Variants in NLRP5 observed in about 807,000 individuals in gnomAD.
The protein encoded by NLRP5 is NACHT, LRR and PYD domains-containing protein 5.
In NLRP5, 93 loss-of-function variants were observed where a neutral mutation model predicts 113.1. That is an observed-to-expected ratio of 0.82 (90% confidence interval 0.70 to 0.98). The LOEUF is 0.98. Ranked by LOEUF, NLRP5 falls within the 50% of genes least tolerant of loss-of-function variation. NLRP5 has a pLI of 0.00. For synonymous variants in NLRP5, 751 were observed against 600.7 expected, an observed-to-expected ratio of 1.25 and a Z score of -3.66; for missense variants, 1,808 against 1,514.3, an observed-to-expected ratio of 1.19 and a Z score of -3.22.
intron 9 of NLRP5, among the ~76,000 whole-genome samples, chr19:56,036,989 T>C (rs1315154962): frequency 6.6e-6 from 1 of 152,118 alleles, no homozygotes; most frequent in Non-Finnish European, 1.5e-5. Flanking sequence ...CCTGCTTCCT[T>C]CATCTCTGCC....
rs979044537 is a variant in NLRP5, at chr19:56,050,584, C to T, written c.3124C>T (p.Leu1042=). Residue 1042 remains leucine (L), a synonymous_variant, in exon 12 of 15, where the codon CTG becomes TTG. Transcript: ENST00000390649. ...AGAACCATCTTGTCATCTCCAGGAC[C>T]TGGAGTGAGTTTCCCATGGGCGTTG... 6 of 1,613,192 alleles carry T rather than the reference C, an allele frequency of 3.7e-6. No individual in the cohort carries two copies. The African/African-American group carries it at 6.7e-5, about 18-fold the overall frequency.
At chr19:56,057,485 T>C (rs1984199619) in intron 13 of NLRP5, among the ~76,000 whole-genome samples, 1 of 152,226 alleles carries the variant, frequency 6.6e-6, no homozygotes, top group Admixed American at 6.5e-5. Flanking sequence ...ATGTGTCTCC[T>C]TTCCGCAAGC....
rs188478334 is a variant in NLRP5, at chr19:56,044,573, A to C, written c.2957+3481A>C. ...GTTCTCTATTCTGTTTCGTTGGTCT[A>C]TGTGCCTATTTTTGCACGAGTACCA... On this transcript the variant is annotated intron_variant, in intron 11 of 14. Transcript: ENST00000390649. Among the ~76,000 whole-genome samples the C allele has an allele frequency of 2.6e-5, 4 of 152,292 alleles. No homozygotes were observed. The East Asian group carries it at 5.8e-4, about 22-fold the overall frequency.
chr19:56,009,359 AG>A (rs1175523716), intron 3 of NLRP5, among the ~76,000 whole-genome samples: 3 of 149,102 alleles, frequency 2.0e-5, no homozygotes, highest in Non-Finnish European at 4.5e-5. Flanking sequence ...AAAAAAAAAA[AG>A]AGTTCTGTGG....
intron 13 of NLRP5, among the ~76,000 whole-genome samples, chr19:56,055,749 G>T (rs1396957996): frequency 1.3e-5 from 2 of 151,164 alleles, no homozygotes; most frequent in East Asian, 3.9e-4. Context: ...GTTTCACCGT[G>T]TTAGCCAGGA....
upstream of NLRP5, among the ~76,000 whole-genome samples, chr19:55,998,682 A>G (rs74182586): frequency 0.059 from 4,860 of 82,778 alleles, 422 homozygotes; most frequent in African/African-American, 0.15. Context: ...GTATATATAT[A>G]TATATATATA....
chr19:56,025,101 G>C (rs917248740), intron 6 of NLRP5, among the ~76,000 whole-genome samples: 1 of 152,098 alleles, frequency 6.6e-6, no homozygotes, highest in Non-Finnish European at 1.5e-5. Flanking sequence ...ATCACCCCCA[G>C]ATGGGACCAT....
chr19:56,005,224 CAT>C (rs1028253221), intron 2 of NLRP5, among the ~76,000 whole-genome samples: 18 of 144,382 alleles, frequency 1.2e-4, no homozygotes, highest in East Asian at 5.9e-4. Context: ...CACATATACA[CAT>C]ATATTTTTAT....
chr19:56,056,999 G>C (rs541876948), intron 13 of NLRP5, among the ~76,000 whole-genome samples: 1 of 152,068 alleles, frequency 6.6e-6, no homozygotes. Context: ...AATTAGGCAT[G>C]GTGGCAGGCG....
chr19:55,988,048 A>G, the NLRP5 span: 1 of 670,868 alleles, frequency 1.5e-6, no homozygotes, highest in Non-Finnish European at 2.7e-6. Flanking sequence ...ACACCACAGA[A>G]CCTCAGCTTT....
Position 56,027,165 on chromosome 19 carries a change from G to C in NLRP5, c.932G>C (p.Gly311Ala), listed in dbSNP as rs777075268. Residue 311 changes from glycine (G) to alanine (A), a missense_variant, in exon 7 of 15, where the codon GGA becomes GCA. Transcript: ENST00000390649. ...TGGGCGCAAGGTGGACTCTACCAGG[G>C]AATGTTCTCCTACGTCTTCTTCCTC... 1 of 1,605,508 alleles carries C rather than the reference G, an allele frequency of 6.2e-7. No homozygotes were observed. Among genetic ancestry groups the C allele is most frequent in the East Asian group, 2.2e-5 (1 of 44,540 alleles).
chr19:56,032,157 C>G (rs1440253844), intron 7 of NLRP5, among the ~76,000 whole-genome samples: 2 of 152,050 alleles, frequency 1.3e-5, no homozygotes, highest in African/African-American at 4.8e-5. Context: ...CCATCCTGGC[C>G]AACATGGTGA....
In NLRP5 at chr19:56,061,572, C is replaced by T; in HGVS notation, c.*44C>T. ...CACTCACACCCATCTGATGGAGGAA[C>T]TTTAAACGCTGTTTTCTCAGAGCAA... On this transcript the variant is annotated 3_prime_UTR_variant, in exon 15 of 15. Coordinates refer to ENST00000390649, the MANE Select transcript of NLRP5 (RefSeq NM_153447.4). The T allele has an allele frequency of 6.2e-7, 1 of 1,608,842 alleles. No individual in the cohort carries two copies. Among genetic ancestry groups the T allele is most frequent in the Non-Finnish European group, 8.5e-7 (1 of 1,176,446 alleles).
intron 10 of NLRP5, 83 bp from the exon 11 acceptor site, chr19:56,040,839 C>CT: frequency 8.2e-7 from 1 of 1,212,328 alleles, no homozygotes; most frequent in East Asian, 2.4e-5. Flanking sequence ...GGTGATACGT[C>CT]TTTCCCCTCC....
At chr19:56,024,375 GTGTATATATAACATATATACA>G in intron 6 of NLRP5, among the ~76,000 whole-genome samples, 1 of 130,410 alleles carries the variant, frequency 7.7e-6, no homozygotes, top group East Asian at 2.1e-4. Flanking sequence ...ATATATATAT[GTGTATATATAACATATATACA>G]TATATGTACA....
chr19:56,050,284 A>AT, intron 11 of NLRP5, 134 bp from the exon 12 acceptor site: 1 of 770,270 alleles, frequency 1.3e-6, no homozygotes, highest in Non-Finnish European at 2.0e-6. Context: ...CTCAAAAAAA[A>AT]AAAAGAAAAA....
intron 8 of NLRP5, 143 bp downstream of exon 8, chr19:56,032,924 C>G: frequency 1.2e-6 from 1 of 805,464 alleles, no homozygotes; most frequent in Non-Finnish European, 1.9e-6. Context: ...ACCAAGTTCC[C>G]AAAAGCACAG....
chr19:56,058,743 T>C (rs1446628095), intron 14 of NLRP5, among the ~76,000 whole-genome samples: 1 of 152,158 alleles, frequency 6.6e-6, no homozygotes, highest in African/African-American at 2.4e-5. Context: ...CCCAAAAGAA[T>C]TAAAAGGAAG....
chr19:56,037,322 A>G (rs1451068560), intron 9 of NLRP5, among the ~76,000 whole-genome samples: 1 of 152,136 alleles, frequency 6.6e-6, no homozygotes, highest in African/African-American at 2.4e-5. Context: ...AGAACAAAGC[A>G]ACCAGGCCTC....
Sources: gnomAD v4.1 joint callset for allele counts (sites outside exome capture counted in the v4.1 genomes callset) on GRCh38, gnomAD v4.1.1 for gene constraint, MANE v1.5 for transcripts, NCBI Gene and HGNC (gene_info 2026-07-23, HGNC 2026-07-21) for gene names.